MALRD1: variants seen among roughly 807,000 people sequenced by gnomAD.
The protein encoded by MALRD1 is MAM and LDL-receptor class A domain-containing protein 1.
In MALRD1, 247 loss-of-function variants were observed where a neutral mutation model predicts 242.1. That is an observed-to-expected ratio of 1.02 (90% CI 0.92 to 1.13). MALRD1 has a LOEUF of 1.13. MALRD1 is among the 50% of genes most tolerant of loss of function. The pLI is 0.00. For missense variants in MALRD1, 2,989 were observed against 2,533.1 expected, an observed-to-expected ratio of 1.18 and a Z score of -3.86; for synonymous variants, 995 against 866.6, an observed-to-expected ratio of 1.15 and a Z score of -2.60.
intron 36 of MALRD1, among the ~76,000 whole-genome samples, chr10:19,619,311 C>A (rs1839302918): frequency 6.6e-6 from 1 of 151,918 alleles, no homozygotes; most frequent in Admixed American, 6.6e-5. Flanking sequence ...GCTTTTTCCT[C>A]CTTCTGGCTC....
At chr10:19,662,795 C>T (rs1460289031) in intron 36 of MALRD1, among the ~76,000 whole-genome samples, 3 of 151,970 alleles carry the variant, frequency 2.0e-5, no homozygotes, top group Admixed American at 1.3e-4. Flanking sequence ...GCAGTAAGAG[C>T]AAGAAAAATG....
intron 36 of MALRD1, among the ~76,000 whole-genome samples, chr10:19,626,731 A>G (rs1048561610): frequency 1.5e-5 from 2 of 134,018 alleles, no homozygotes; most frequent in African/African-American, 6.7e-5. Context: ...AAATGGATAG[A>G]AAAAAAAAAA....
In MALRD1 at chr10:19,498,591, C is replaced by T. The variant is rs1253444033; in HGVS notation, c.5265C>T (p.Ala1755=). The T allele has an allele frequency of 6.5e-7, 1 of 1,550,120 alleles. No homozygotes were observed. Among genetic ancestry groups the T allele is most frequent in the South Asian group, 1.2e-5 (1 of 84,020 alleles). ...TQDSEDDLDW[A]IGSRIPAKAL... ...ACTCTGAGGATGACTTGGACTGGGC[C>T]ATTGGCAGCAGAATTCCTGCCAAAG... The change falls in exon 31 of 40, where the codon GCC becomes GCT. Residue 1755 remains alanine (A), a synonymous_variant. Coordinates refer to ENST00000454679, the MANE Select transcript of MALRD1 (RefSeq NM_001142308.3).
intron 28 of MALRD1, among the ~76,000 whole-genome samples, chr10:19,444,117 A>G (rs1834824927): frequency 6.6e-6 from 1 of 152,084 alleles, no homozygotes. Context: ...TTTATCAGAG[A>G]CTAGGATTGC....
At chr10:19,378,129 A>G (rs914403049) in intron 26 of MALRD1, among the ~76,000 whole-genome samples, 1 of 152,122 alleles carries the variant, frequency 6.6e-6, no homozygotes, top group African/African-American at 2.4e-5. Flanking sequence ...TGACACTTCT[A>G]GAGGGCCAGT....
At chr10:19,102,505 A>C (rs990733211) in intron 4 of MALRD1, among the ~76,000 whole-genome samples, 9 of 152,212 alleles carry the variant, frequency 5.9e-5, no homozygotes, top group African/African-American at 2.2e-4. Flanking sequence ...CAGGGATGAA[A>C]GAATTTCCCA....
intron 33 of MALRD1, among the ~76,000 whole-genome samples, chr10:19,592,753 A>T (rs1344594276): frequency 8.6e-6 from 1 of 116,318 alleles, no homozygotes; most frequent in South Asian, 3.2e-4. Context: ...ACACACACAC[A>T]CACACACACG....
intron 32 of MALRD1, among the ~76,000 whole-genome samples, chr10:19,560,608 T>C (rs959844373): frequency 1.3e-5 from 2 of 152,298 alleles, no homozygotes; most frequent in South Asian, 2.1e-4. Context: ...GTGGCACATA[T>C]ACACCATAGA....
At chr10:19,353,765 T>C (rs988938568) in intron 26 of MALRD1, among the ~76,000 whole-genome samples, 6 of 152,214 alleles carry the variant, frequency 3.9e-5, no homozygotes, top group Non-Finnish European at 8.8e-5. Context: ...ATGGCAGATA[T>C]AGGTCTTATA....
intron 32 of MALRD1, among the ~76,000 whole-genome samples, chr10:19,555,003 T>C (rs370268412): frequency 3.1e-4 from 47 of 152,284 alleles, no homozygotes; most frequent in African/African-American, 1.0e-3. Flanking sequence ...TAGTTTACAT[T>C]CCTACCAACA....
intron 21 of MALRD1, among the ~76,000 whole-genome samples, chr10:19,318,592 G>A (rs149645514): frequency 2.0e-5 from 3 of 151,238 alleles, no homozygotes; most frequent in African/African-American, 7.3e-5. Context: ...AGTGACATAT[G>A]CTTTTATCAT....
chr10:19,345,251 A>G (rs1358782360), intron 24 of MALRD1, among the ~76,000 whole-genome samples: 3 of 152,064 alleles, frequency 2.0e-5, no homozygotes, highest in African/African-American at 4.8e-5. Context: ...CAGTGTTTAC[A>G]TGAATGAAAA....
chr10:19,576,295 G>C (rs1836823129), intron 33 of MALRD1, among the ~76,000 whole-genome samples: 1 of 152,180 alleles, frequency 6.6e-6, no homozygotes, highest in African/African-American at 2.4e-5. Flanking sequence ...CCAATCCCAA[G>C]TCGTATTTCC....
At chr10:19,445,409 A>C (rs1042462131) in intron 28 of MALRD1, among the ~76,000 whole-genome samples, 4 of 152,122 alleles carry the variant, frequency 2.6e-5, no homozygotes, top group Non-Finnish European at 4.4e-5. Flanking sequence ...TAGAATTTTC[A>C]GCTTTTCTGC....
intron 6 of MALRD1, 116 bp from the exon 7 acceptor site, chr10:19,124,408 T>A: frequency 1.2e-6 from 1 of 863,580 alleles, no homozygotes; most frequent in Non-Finnish European, 1.5e-6. Flanking sequence ...TATAAATTAG[T>A]GTGTGCTGAT....
intron 21 of MALRD1, among the ~76,000 whole-genome samples, chr10:19,294,015 G>C (rs1222996681): frequency 1.3e-5 from 2 of 152,052 alleles, no homozygotes; most frequent in African/African-American, 2.4e-5. Flanking sequence ...GAGTGGTTAG[G>C]TAGCATACTT....
chr10:19,579,679 T>G (rs934707315), intron 33 of MALRD1, among the ~76,000 whole-genome samples: 1 of 152,114 alleles, frequency 6.6e-6, no homozygotes, highest in African/African-American at 2.4e-5. Flanking sequence ...GGGAAGAACG[T>G]GAGTATAGGT....
chr10:19,514,290 AAC>A (rs1320675519), intron 31 of MALRD1, among the ~76,000 whole-genome samples: 7 of 152,338 alleles, frequency 4.6e-5, no homozygotes, highest in Non-Finnish European at 7.4e-5. Context: ...TAATTTCTCA[AAC>A]ACATATTAAT....
chr10:19,334,506 C>T (rs56000528), intron 24 of MALRD1, among the ~76,000 whole-genome samples: 183 of 151,160 alleles, frequency 1.2e-3, no homozygotes, highest in Middle Eastern at 3.6e-3. Context: ...ATAATACATA[C>T]GTATATGAAA....
Sources: gnomAD v4.1 joint callset for allele counts (sites outside exome capture counted in the v4.1 genomes callset) on GRCh38, gnomAD v4.1.1 for gene constraint, MANE v1.5 for transcripts, NCBI Gene and HGNC (gene_info 2026-07-23, HGNC 2026-07-21) for gene names.